ASAP1: variants seen among roughly 807,000 people sequenced by gnomAD.
ASAP1 encodes the protein ArfGAP with SH3 domain, ankyrin repeat and PH domain 1.
ASAP1 carries 43 observed loss-of-function variants against 145.2 expected under a neutral mutation model. That is an observed-to-expected ratio of 0.30 (90% CI 0.23 to 0.38). The LOEUF is 0.38. Among genes scored for constraint, ASAP1 ranks in the 10% least tolerant of loss-of-function variants. The pLI is 1.00. For missense variants in ASAP1, 1,018 were observed against 1,355.3 expected (o/e 0.75, Z 3.91); for synonymous variants, 546 against 515.5 (o/e 1.06, Z -0.80).
chr8:130,106,404 T>C (rs188034290), intron 24 of ASAP1, among the ~76,000 whole-genome samples: 1 of 152,304 alleles, frequency 6.6e-6, no homozygotes, highest in Admixed American at 6.5e-5. Context: ...TGGTGGCAGG[T>C]GCTGTCATAT....
chr8:130,380,759 T>C (rs1325820787), intron 2 of ASAP1, among the ~76,000 whole-genome samples: 2 of 152,234 alleles, frequency 1.3e-5, no homozygotes, highest in Admixed American at 1.3e-4. Flanking sequence ...AGGGTCTCAC[T>C]GTGTCATGCA....
chr8:130,307,819 T>G (rs1823087511), intron 3 of ASAP1, among the ~76,000 whole-genome samples: 2 of 152,224 alleles, frequency 1.3e-5, no homozygotes, highest in Non-Finnish European at 2.9e-5. Context: ...ATGGCGGAGC[T>G]TGAAATCAGG....
At chr8:130,123,408 C>T (rs1404042202) in intron 18 of ASAP1, among the ~76,000 whole-genome samples, 1 of 152,150 alleles carries the variant, frequency 6.6e-6, no homozygotes, top group African/African-American at 2.4e-5. Context: ...TCTTACTCAT[C>T]ACAATATGCC....
chr8:130,333,536 G>A (rs1824832153), intron 3 of ASAP1, among the ~76,000 whole-genome samples: 1 of 152,206 alleles, frequency 6.6e-6, no homozygotes, highest in African/African-American at 2.4e-5. Flanking sequence ...CCTAGGAGGC[G>A]GAGGTTGTGG....
At chr8:130,085,735 T>TAA (rs376786284) in intron 25 of ASAP1, among the ~76,000 whole-genome samples, 22,657 of 124,844 alleles carry the variant, frequency 0.18, 2,845 homozygotes, top group African/African-American at 0.32. Flanking sequence ...ACGTTGTCTT[T>TAA]AAGAAAAAAA....
intron 27 of ASAP1, among the ~76,000 whole-genome samples, chr8:130,071,818 G>A (rs537571927): frequency 1.1e-4 from 17 of 152,268 alleles, no homozygotes; most frequent in South Asian, 8.3e-4. Context: ...TGATGGACTG[G>A]ACTAATTATT....
intron 3 of ASAP1, among the ~76,000 whole-genome samples, chr8:130,281,808 T>G (rs914518212): frequency 6.6e-6 from 1 of 152,216 alleles, no homozygotes; most frequent in Non-Finnish European, 1.5e-5. Context: ...GGCTCACGCC[T>G]GTAATCCCAG....
chr8:130,305,587 C>T (rs921689839), intron 3 of ASAP1, among the ~76,000 whole-genome samples: 1 of 152,156 alleles, frequency 6.6e-6, no homozygotes, highest in Non-Finnish European at 1.5e-5. Flanking sequence ...TGGTCAGGTT[C>T]TGGTCAGAAC....
intron 6 of ASAP1, among the ~76,000 whole-genome samples, chr8:130,187,684 A>G (rs1368501789): frequency 6.6e-6 from 1 of 152,182 alleles, no homozygotes; most frequent in African/African-American, 2.4e-5. Flanking sequence ...GGTCTCCCAA[A>G]GTGCTCAGAT....
At chr8:130,354,384 T>A (rs1047616959) in intron 3 of ASAP1, among the ~76,000 whole-genome samples, 4 of 152,184 alleles carry the variant, frequency 2.6e-5, no homozygotes, top group African/African-American at 4.8e-5. Context: ...ATGGAGCAGC[T>A]GCTCAATAAA....
chr8:130,137,413 C>A (rs1432709224), intron 13 of ASAP1, among the ~76,000 whole-genome samples: 1 of 152,230 alleles, frequency 6.6e-6, no homozygotes, highest in Non-Finnish European at 1.5e-5. Context: ...TTCCAATGAA[C>A]AGTCGGCATG....
At chr8:130,168,183 AC>A (rs1272990254) in intron 10 of ASAP1, among the ~76,000 whole-genome samples, 1 of 152,072 alleles carries the variant, frequency 6.6e-6, no homozygotes, top group Non-Finnish European at 1.5e-5. Flanking sequence ...TAATTATAAA[AC>A]TTTATTTGAG....
At chr8:130,064,350 G>A (rs769660667) in intron 27 of ASAP1, among the ~76,000 whole-genome samples, 2 of 152,150 alleles carry the variant, frequency 1.3e-5, no homozygotes, top group East Asian at 1.9e-4. Flanking sequence ...ACAGGATGTG[G>A]TGTGTGAGAG....
In ASAP1 at chr8:130,057,935, G is replaced by T. The variant is rs1179383895; in HGVS notation, c.3315+19C>A. 6.2e-7 allele frequency: 1 copy of T among 1,612,868 alleles called. No homozygotes were observed. The highest frequency in any genetic ancestry group is 8.5e-7 in the Non-Finnish European group (1 of 1,178,980). ...GCTGTATGAATGTACGGATGAAGTG[G>T]ATGGATATTCGTACGTACCCACCAC... is the stretch of plus-strand genomic sequence containing the variant. On this transcript the variant is annotated intron_variant, in intron 29 of 29. Transcript: ENST00000518721.
intron 25 of ASAP1, among the ~76,000 whole-genome samples, chr8:130,080,478 C>CTCTTT (rs869286628): frequency 0.032 from 2,257 of 71,012 alleles, 28 homozygotes; most frequent in Middle Eastern, 0.067. Flanking sequence ...CATTCTCTCT[C>CTCTTT]TTTTTTTTTT....
intron 13 of ASAP1, among the ~76,000 whole-genome samples, chr8:130,141,144 GT>G (rs2097609932): frequency 6.6e-6 from 1 of 152,106 alleles, no homozygotes; most frequent in Non-Finnish European, 1.5e-5. Context: ...CTTTCATATT[GT>G]TTAAGTACAG....
intron 24 of ASAP1, among the ~76,000 whole-genome samples, chr8:130,101,719 C>G (rs1243454669): frequency 2.6e-5 from 3 of 115,984 alleles, no homozygotes; most frequent in Non-Finnish European, 3.5e-5. Context: ...GCATGTGCTA[C>G]CACACCTGGT....
intron 3 of ASAP1, among the ~76,000 whole-genome samples, chr8:130,296,354 C>T (rs972951703): frequency 5.3e-5 from 8 of 152,168 alleles, no homozygotes; most frequent in African/African-American, 9.7e-5. Context: ...CTCAGCTCCA[C>T]GAAAACCTTG....
intron 1 of ASAP1, among the ~76,000 whole-genome samples, chr8:130,406,004 T>A (rs1047011772): frequency 2.0e-5 from 3 of 152,250 alleles, no homozygotes; most frequent in Non-Finnish European, 4.4e-5. Flanking sequence ...AAAATTAAAA[T>A]CAATTATTAT....
Sources: allele counts gnomAD v4.1 joint callset (sites outside exome capture counted in the v4.1 genomes callset), GRCh38; gene constraint gnomAD v4.1.1; transcripts MANE v1.5; gene names NCBI Gene and HGNC (gene_info 2026-07-23, HGNC 2026-07-21).